Variants in B3GALT1 observed in about 807,000 individuals in gnomAD.
B3GALT1 encodes the protein beta-1,3-galactosyltransferase 1.
In B3GALT1, 10 loss-of-function variants were observed where a neutral mutation model predicts 23.2. The observed-to-expected ratio is 0.43, with a 90% CI of 0.27 to 0.73. The LOEUF is 0.73. Among genes scored for constraint, B3GALT1 ranks in the 30% least tolerant of loss-of-function variants. B3GALT1 has a pLI of 0.21. For missense variants in B3GALT1, 299 were observed against 405.4 expected (o/e 0.74, Z 2.25); for synonymous variants, 156 against 141.5 (o/e 1.10, Z -0.73).
chr2:167,555,575 C>T (rs1419394729), intron 2 of B3GALT1, among the ~76,000 whole-genome samples: 2 of 152,080 alleles, frequency 1.3e-5, no homozygotes, highest in Non-Finnish European at 2.9e-5. Context: ...CAGGAAGAAA[C>T]ACAGGCTTTT....
At chr2:167,657,365 A>G (rs1406653128) in intron 3 of B3GALT1, among the ~76,000 whole-genome samples, 1 of 152,114 alleles carries the variant, frequency 6.6e-6, no homozygotes, top group Non-Finnish European at 1.5e-5. Context: ...AGAAACCTTA[A>G]GGGTCACTAC....
chr2:167,522,227 C>T lies in B3GALT1; in HGVS notation c.-410+31950C>T, dbSNP rs1045878578. Among the ~76,000 whole-genome samples the T allele has an allele frequency of 2.6e-5, 4 of 151,916 alleles. No individual in the cohort carries two copies. The East Asian group carries it at 5.8e-4, about 22-fold the overall frequency. On this transcript the variant is annotated intron_variant, in intron 2 of 4. Transcript: ENST00000392690. Reference sequence around the variant, plus strand: ...AATAAAGTGTCGAGTCATTACTCAGCCTACTGGAGGCTGCGTTTGAAAATT... The same window carrying T: ...AATAAAGTGTCGAGTCATTACTCAGTCTACTGGAGGCTGCGTTTGAAAATT...
chr2:167,462,955 T>C (rs1699283738), intron 1 of B3GALT1, among the ~76,000 whole-genome samples: 1 of 152,146 alleles, frequency 6.6e-6, no homozygotes. Flanking sequence ...CTGTGGCACT[T>C]TTCCTCAGAG....
intron 1 of B3GALT1, among the ~76,000 whole-genome samples, chr2:167,477,252 T>C (rs960671693): frequency 2.0e-5 from 3 of 152,150 alleles, no homozygotes; most frequent in Admixed American, 6.5e-5. Context: ...AAAAGCCACG[T>C]TGGCAAGTAG....
chr2:167,639,765 C>T (rs1204451479), intron 2 of B3GALT1, among the ~76,000 whole-genome samples: 1 of 152,002 alleles, frequency 6.6e-6, no homozygotes, highest in African/African-American at 2.4e-5. Context: ...ATCCAGACAA[C>T]AAAGCAGTCT....
intron 2 of B3GALT1, among the ~76,000 whole-genome samples, chr2:167,579,853 G>A (rs536743235): frequency 1.6e-4 from 25 of 152,194 alleles, no homozygotes; most frequent in African/African-American, 6.0e-4. Context: ...TACACAGTCA[G>A]TTGTTAAAAA....
intron 2 of B3GALT1, among the ~76,000 whole-genome samples, chr2:167,558,817 G>C (rs1002702714): frequency 1.3e-5 from 2 of 152,222 alleles, no homozygotes; most frequent in Admixed American, 1.3e-4. Context: ...GTTCGAACTG[G>C]GTGGAGCTGA....
chr2:167,769,271 C>A (rs1356441848), intron 3 of B3GALT1, among the ~76,000 whole-genome samples: 2 of 152,140 alleles, frequency 1.3e-5, no homozygotes, highest in African/African-American at 2.4e-5. Flanking sequence ...TAGTGTGCTG[C>A]AAGAAATATG....
intron 1 of B3GALT1, among the ~76,000 whole-genome samples, chr2:167,349,553 G>A (rs1697278521): frequency 6.6e-6 from 1 of 152,118 alleles, no homozygotes; most frequent in South Asian, 2.1e-4. Flanking sequence ...GTAAGAATAA[G>A]TTTTCCATCC....
intron 3 of B3GALT1, among the ~76,000 whole-genome samples, chr2:167,805,342 T>C (rs963394827): frequency 6.6e-6 from 1 of 152,182 alleles, no homozygotes. Context: ...TTAGATCCCA[T>C]TTGTCAATTT....
chr2:167,688,855 T>C (rs1241349297), intron 3 of B3GALT1, among the ~76,000 whole-genome samples: 1 of 152,098 alleles, frequency 6.6e-6, no homozygotes, highest in Non-Finnish European at 1.5e-5. Context: ...CATAACACTG[T>C]AGTCAGCATC....
At chr2:167,477,191 G>T (rs993039929) in intron 1 of B3GALT1, among the ~76,000 whole-genome samples, 2 of 152,172 alleles carry the variant, frequency 1.3e-5, no homozygotes, top group Non-Finnish European at 2.9e-5. Context: ...TGGGAAGGAG[G>T]TTGACAAGTT....
intron 2 of B3GALT1, among the ~76,000 whole-genome samples, chr2:167,633,746 G>T (rs923378183): frequency 2.6e-5 from 4 of 151,934 alleles, no homozygotes; most frequent in African/African-American, 9.7e-5. Context: ...AATAATAGTG[G>T]GAGACTTTAA....
intron 3 of B3GALT1, among the ~76,000 whole-genome samples, chr2:167,777,386 G>A (rs1688178498): frequency 6.6e-6 from 1 of 152,120 alleles, no homozygotes. Flanking sequence ...TTGCTCTGTT[G>A]CCCAGGCTGG....
At chr2:167,827,721 C>A (rs1254783553) in intron 4 of B3GALT1, among the ~76,000 whole-genome samples, 2 of 152,170 alleles carry the variant, frequency 1.3e-5, no homozygotes, top group Admixed American at 6.5e-5. Flanking sequence ...AGCCACTGAG[C>A]AAACTGGAAT....
chr2:167,414,658 C>T (rs1290717631), intron 1 of B3GALT1, among the ~76,000 whole-genome samples: 1 of 152,168 alleles, frequency 6.6e-6, no homozygotes, highest in Non-Finnish European at 1.5e-5. Context: ...AGACACATTA[C>T]ATTTGAAATG....
chr2:167,761,578 T>C (rs1687900275), intron 3 of B3GALT1, among the ~76,000 whole-genome samples: 1 of 152,120 alleles, frequency 6.6e-6, no homozygotes. Context: ...AGAGGAGAGA[T>C]TGTGAAAGAG....
At chr2:167,577,881 TAAGA>T (rs1684412316) in intron 2 of B3GALT1, among the ~76,000 whole-genome samples, 1 of 151,936 alleles carries the variant, frequency 6.6e-6, no homozygotes, top group Non-Finnish European at 1.5e-5. Flanking sequence ...TAAGAGAAGT[TAAGA>T]AAGATGTCTC....
rs1427272707 is a variant in B3GALT1, at chr2:167,376,285, G to A, written c.-511+82951G>A. On this transcript the variant is annotated intron_variant, in intron 1 of 4. Coordinates refer to ENST00000392690, the MANE Select transcript of B3GALT1 (RefSeq NM_020981.4). Reference sequence around the variant, plus strand: ...AGGATCTTGTGGCTATGTTCATTAGGGAAACTGGCTTGTGGTTTTCTCTTT... The same window carrying A: ...AGGATCTTGTGGCTATGTTCATTAGAGAAACTGGCTTGTGGTTTTCTCTTT... Among the ~76,000 whole-genome samples, 3 of 152,176 alleles carry A rather than the reference G, an allele frequency of 2.0e-5. No individual in the cohort carries two copies. In the East Asian group the frequency reaches 5.8e-4, roughly 29 times the overall value.
Sources: allele counts gnomAD v4.1 joint callset (sites outside exome capture counted in the v4.1 genomes callset), GRCh38; gene constraint gnomAD v4.1.1; transcripts MANE v1.5; gene names NCBI Gene and HGNC (gene_info 2026-07-23, HGNC 2026-07-21).